The following EXO1 variants were observed in gnomAD, a reference collection of about 807,000 sequenced individuals.
The protein encoded by EXO1 is exonuclease 1.
EXO1 carries 69 observed loss-of-function variants against 84.5 expected under a neutral mutation model. The ratio of observed to expected loss-of-function variants is 0.82; its 90% CI spans 0.67 to 1.00. The LOEUF (loss-of-function observed/expected upper bound fraction) is 1.00, where lower values mean the gene tolerates loss of function less well. Among genes scored for constraint, EXO1 ranks in the 50% least tolerant of loss-of-function variants. The probability of loss-of-function intolerance (pLI) is 0.00; values close to 1 mark genes in which losing one functional copy is unlikely to be tolerated. For synonymous variants in EXO1, 373 were observed against 366.1 expected (o/e 1.02, Z -0.21); for missense variants, 1,045 against 1,000.7 (o/e 1.04, Z -0.60).
intron 11 of EXO1, among the ~76,000 whole-genome samples, chr1:241,871,329 T>C (rs1662078935): frequency 6.6e-6 from 1 of 152,238 alleles, no homozygotes; most frequent in South Asian, 2.1e-4. Context: ...ACAAAGATTA[T>C]AGTAGTGTGC....
At chr1:241,859,057 G>A (rs1201670546) in intron 8 of EXO1, among the ~76,000 whole-genome samples, 1 of 152,076 alleles carries the variant, frequency 6.6e-6, no homozygotes, top group Non-Finnish European at 1.5e-5. Context: ...TTGGTCGCAG[G>A]ATCCCTTTAC....
chr1:241,870,829 TATA>T (rs1662043560), intron 11 of EXO1, among the ~76,000 whole-genome samples: 1 of 152,246 alleles, frequency 6.6e-6, no homozygotes, highest in African/African-American at 2.4e-5. Flanking sequence ...CGTTTGCTTA[TATA>T]ATGTTTAACT....
At chr1:241,874,130 T>C (rs1474955851) in intron 12 of EXO1, among the ~76,000 whole-genome samples, 4 of 152,196 alleles carry the variant, frequency 2.6e-5, no homozygotes, top group Non-Finnish European at 5.9e-5. Context: ...CCGGGCACGA[T>C]GGCTCATGCC....
chr1:241,889,337 A>G, intron 15 of EXO1, 128 bp from the exon 16 acceptor site: 1 of 799,340 alleles, frequency 1.3e-6, no homozygotes, highest in South Asian at 1.5e-5. Context: ...TTATATAATG[A>G]ATTGAAAGAG....
At chr1:241,883,781 T>C (rs1662899251) in intron 14 of EXO1, among the ~76,000 whole-genome samples, 1 of 152,154 alleles carries the variant, frequency 6.6e-6, no homozygotes, top group Admixed American at 6.6e-5. Flanking sequence ...CATGTACACA[T>C]TTGCATGTTT....
intron 15 of EXO1, among the ~76,000 whole-genome samples, chr1:241,888,175 G>T (rs913054150): frequency 6.6e-6 from 1 of 152,130 alleles, no homozygotes; most frequent in African/African-American, 2.4e-5. Flanking sequence ...GGGAGGTGGC[G>T]GTTGCAGTGA....
intron 12 of EXO1, among the ~76,000 whole-genome samples, chr1:241,873,984 CTG>C (rs1662258015): frequency 6.6e-6 from 1 of 152,136 alleles, no homozygotes; most frequent in Non-Finnish European, 1.5e-5. Context: ...GTGATGACCT[CTG>C]TCAGAATTCA....
chr1:241,877,768 A>T (rs1377231289), intron 12 of EXO1, among the ~76,000 whole-genome samples: 2 of 151,758 alleles, frequency 1.3e-5, no homozygotes, highest in Non-Finnish European at 2.9e-5. Flanking sequence ...CTCTTTAGTA[A>T]TATGGAATTT....
chr1:241,867,434 G>A (rs960051626), intron 11 of EXO1, among the ~76,000 whole-genome samples: 1 of 152,136 alleles, frequency 6.6e-6, no homozygotes, highest in African/African-American at 2.4e-5. Context: ...CCATGATTCA[G>A]TTATCTCCCA....
rs4149978 is a variant in EXO1 at position 241,879,135 on chromosome 1, G to A, written c.1901G>A (p.Arg634Gln). Residue 634 changes from arginine (R) to glutamine (Q), a missense_variant, in exon 13 of 16, where the codon CGA becomes CAA. Transcript: ENST00000366548. ...CCAAGCACAGCATTGCAGCAGTTCC[G>A]AAGAAAGAGCGATTCCCCCACCTCT... Reference protein sequence around the residue: ...PSPSTALQQFRRKSDSPTSLP... With the variant: ...PSPSTALQQFQRKSDSPTSLP... 4,345 of 1,610,178 alleles carry A rather than the reference G, an allele frequency of 2.7e-3. 17 individuals carry two copies. The highest frequency in any genetic ancestry group is 7.6e-3 in the Middle Eastern group (46 of 6,046).
chr1:241,852,505 C>A, intron 5 of EXO1, 94 bp downstream of exon 5: 1 of 1,179,208 alleles, frequency 8.5e-7, no homozygotes, highest in Non-Finnish European at 1.2e-6. Context: ...TTAAGCCAGG[C>A]TCAGTGGCTT....
At position 241,867,707 on chromosome 1, in the gene EXO1, C is replaced by A. The variant is rs1486288715; in HGVS notation, c.1267+652C>A. 2.0e-5 allele frequency among the ~76,000 whole-genome samples: 3 copies of A among 151,974 alleles called. No individual in the cohort carries two copies. The East Asian group carries it at 5.8e-4, about 29-fold the overall frequency. ...CTTTCCCCATTTAATTGCCTTGGCA[C>A]AGCTGTTTAAAATCAGCTGACCACA... On this transcript the variant is annotated intron_variant, in intron 11 of 15. Coordinates refer to ENST00000366548, the MANE Select transcript of EXO1 (RefSeq NM_130398.4).
intron 12 of EXO1, among the ~76,000 whole-genome samples, chr1:241,875,292 C>T (rs1662328112): frequency 6.6e-6 from 1 of 152,154 alleles, no homozygotes; most frequent in Non-Finnish European, 1.5e-5. Context: ...GCGTGAGTCA[C>T]CACACTCTGC....
chr1:241,882,149 A>G, intron 14 of EXO1, 132 bp downstream of exon 14: 3 of 608,990 alleles, frequency 4.9e-6, no homozygotes, highest in Non-Finnish European at 8.8e-6. Flanking sequence ...TCTACTTTAA[A>G]ACTTTATGCT....
chr1:241,857,938 A>G (rs1336631003), intron 7 of EXO1, among the ~76,000 whole-genome samples: 1 of 152,186 alleles, frequency 6.6e-6, no homozygotes, highest in African/African-American at 2.4e-5. Flanking sequence ...ATTTCATGGA[A>G]AACTTTATTT....
Position 241,872,353 on chromosome 1 carries a change from A to G in EXO1, c.1514+75A>G, listed in dbSNP as rs1645926572. ...GTTGGTATTTATTTTGTCTTTTTTT[A>G]GAATTAATTTATTTATTATACTTTA... On this transcript the variant is annotated intron_variant, in intron 12 of 15. Transcript: ENST00000366548. 3.3e-6 allele frequency: 5 copies of G among 1,499,994 alleles called. No homozygotes were observed. The Admixed American group carries it at 6.7e-5, about 20-fold the overall frequency. The allele number at this position is 1,499,994 out of a possible 1,614,324, so 92.9% of individuals were successfully genotyped here.
At chr1:241,881,818 C>T (rs1662771416) in intron 13 of EXO1, 98 bp from the exon 14 acceptor site, 1 of 647,298 alleles carries the variant, frequency 1.5e-6, no homozygotes, top group African/African-American at 1.8e-5. Context: ...ATCCCATGTT[C>T]TTATTTATCT....
At chr1:241,858,282 G>A (rs1187033243) in intron 7 of EXO1, among the ~76,000 whole-genome samples, 2 of 152,232 alleles carry the variant, frequency 1.3e-5, no homozygotes, top group African/African-American at 2.4e-5. Flanking sequence ...CTTTATACCA[G>A]AATTGTGACA....
chr1:241,856,697 C>T (rs2526700), intron 6 of EXO1, among the ~76,000 whole-genome samples: 3 of 151,962 alleles, frequency 2.0e-5, no homozygotes, highest in African/African-American at 7.2e-5. Flanking sequence ...TGTATATTTT[C>T]GGAACATAGC....
Sources: allele counts gnomAD v4.1 joint callset (sites outside exome capture counted in the v4.1 genomes callset), GRCh38; gene constraint gnomAD v4.1.1; transcripts MANE v1.5; gene names NCBI Gene and HGNC (gene_info 2026-07-23, HGNC 2026-07-21).